RB1CC1: variants seen among roughly 807,000 people sequenced by gnomAD.
RB1CC1 encodes the protein RB1-inducible coiled-coil protein 1.
Under a neutral mutation model 177.5 loss-of-function variants are expected in RB1CC1, and 46 were observed. That is an observed-to-expected ratio of 0.26 (90% CI 0.20 to 0.33). The LOEUF (loss-of-function observed/expected upper bound fraction) is 0.33. Ranked by LOEUF, RB1CC1 falls within the 10% of genes least tolerant of loss-of-function variation. The pLI, the probability that RB1CC1 is intolerant of heterozygous loss-of-function variation, is 1.00. For synonymous variants in RB1CC1, 666 were observed against 613.6 expected (o/e 1.09, Z -1.26); for missense variants, 1,703 against 1,816.3 (o/e 0.94, Z 1.13).
At chr8:52,675,289 T>TA (rs1002504199) in intron 6 of RB1CC1, among the ~76,000 whole-genome samples, 7 of 151,600 alleles carry the variant, frequency 4.6e-5, no homozygotes, top group East Asian at 1.9e-4. Context: ...TACCCAAATT[T>TA]AAAAAAATCA....
At chr8:52,679,120 C>T (rs1051530196) in intron 5 of RB1CC1, among the ~76,000 whole-genome samples, 2 of 152,120 alleles carry the variant, frequency 1.3e-5, no homozygotes, top group Non-Finnish European at 2.9e-5. Context: ...TAACAAATCT[C>T]GGGAACCCAA....
intron 1 of RB1CC1, among the ~76,000 whole-genome samples, chr8:52,695,951 G>C (rs186880623): frequency 2.0e-5 from 3 of 152,298 alleles, no homozygotes; most frequent in Non-Finnish European, 4.4e-5. Context: ...TCTGGGCACC[G>C]CCAAACTTGC....
chr8:52,699,855 A>ATATATC (rs1482259490), intron 1 of RB1CC1, among the ~76,000 whole-genome samples: 10 of 137,706 alleles, frequency 7.3e-5, no homozygotes, highest in Non-Finnish European at 1.6e-4. Context: ...ATATATATAT[A>ATATATC]TATACACACA....
chr8:52,655,750 T>TAATA (rs1260486964), intron 15 of RB1CC1, among the ~76,000 whole-genome samples: 1 of 152,118 alleles, frequency 6.6e-6, no homozygotes, highest in East Asian at 1.9e-4. Context: ...AAGAGCTCTT[T>TAATA]AAAACATTTC....
intron 20 of RB1CC1, among the ~76,000 whole-genome samples, chr8:52,633,424 C>T (rs781636496): frequency 2.0e-4 from 30 of 152,090 alleles, no homozygotes; most frequent in Non-Finnish European, 4.0e-4. Flanking sequence ...AAGCATACTA[C>T]ATAAAACACG....
Position 52,660,065 on chromosome 8 carries a change from T to C in RB1CC1, c.1689+531A>G, listed in dbSNP as rs140041387. ...AAAAGCCCCCATATTGCTTTGATCA[T>C]GGAAACGTTTCTTCTCATGTAATAC... On this transcript the variant is annotated intron_variant, in intron 12 of 23. Transcript: ENST00000025008. Among the ~76,000 whole-genome samples, 7 of 152,362 alleles carry C rather than the reference T, an allele frequency of 4.6e-5. No individual in the cohort carries two copies. The East Asian group carries it at 1.4e-3, about 29-fold the overall frequency.
intron 15 of RB1CC1, among the ~76,000 whole-genome samples, chr8:52,651,061 C>G (rs1390821598): frequency 6.6e-6 from 1 of 152,082 alleles, no homozygotes. Flanking sequence ...AAAGCAATTA[C>G]AGAATCTTTA....
chr8:52,664,983 G>A (rs1303750626), intron 8 of RB1CC1, among the ~76,000 whole-genome samples: 1 of 151,976 alleles, frequency 6.6e-6, no homozygotes, highest in Non-Finnish European at 1.5e-5. Flanking sequence ...ATTAAGGGGA[G>A]CAAAGAAAAA....
At chr8:52,704,943 G>T (rs1453662157) in intron 1 of RB1CC1, among the ~76,000 whole-genome samples, 1 of 152,044 alleles carries the variant, frequency 6.6e-6, no homozygotes, top group East Asian at 1.9e-4. Flanking sequence ...TACTATACAA[G>T]TTAACACAAG....
At chr8:52,631,815 C>T (rs1268646206) in intron 20 of RB1CC1, among the ~76,000 whole-genome samples, 1 of 152,174 alleles carries the variant, frequency 6.6e-6, no homozygotes, top group East Asian at 1.9e-4. Context: ...CTTTTTCAAA[C>T]CTATACTGTT....
intron 1 of RB1CC1, among the ~76,000 whole-genome samples, chr8:52,700,310 G>C (rs1855932392): frequency 6.7e-6 from 1 of 149,982 alleles, no homozygotes; most frequent in Admixed American, 6.7e-5. Context: ...GATTGCTTGA[G>C]ATCAAGAGTT....
Position 52,685,524 on chromosome 8 carries a change from G to GGCACTGTGAA in RB1CC1, c.-51-5_-51-4insTTCACAGTGC. 1 of 1,088,490 alleles carries GGCACTGTGAA rather than the reference G, an allele frequency of 9.2e-7. No homozygotes were observed. Among genetic ancestry groups the GGCACTGTGAA allele is most frequent in the Admixed American group, 2.1e-5 (1 of 47,906 alleles). 67.4% of individuals were successfully genotyped at this position (1,088,490 alleles called of 1,614,324 possible). Reference sequence around the variant, plus strand: ...ACCTCACCCTCTGATACAGTTACTAGAAGAAACAAGAGAAGTGATCAATTT... The same window carrying GGCACTGTGAA: ...ACCTCACCCTCTGATACAGTTACTAGGCACTGTGAAAAGAAACAAGAGAAGTGATCAATTT... On this transcript the variant is annotated splice_region_variant and splice_polypyrimidine_tract_variant and intron_variant, in intron 2 of 23. Transcript: ENST00000025008.
At chr8:52,695,128 A>AT in intron 1 of RB1CC1, among the ~76,000 whole-genome samples, 1 of 152,194 alleles carries the variant, frequency 6.6e-6, no homozygotes. Flanking sequence ...AGAAGACAGT[A>AT]TTTTTCTCCT....
rs1186086931 is a variant in RB1CC1, at chr8:52,708,449, G to A, written c.-167+5626C>T. Reference sequence around the variant, plus strand: ...GGAGAATGGCGTGAACCCAGGAGGCGGAGCTTGCAGTAAGTTGAGATCACA... The same window carrying A: ...GGAGAATGGCGTGAACCCAGGAGGCAGAGCTTGCAGTAAGTTGAGATCACA... On this transcript the variant is annotated intron_variant, in intron 1 of 23. Transcript: ENST00000025008. Among the ~76,000 whole-genome samples the A allele has an allele frequency of 3.9e-5, 6 of 152,194 alleles. No individual in the cohort carries two copies. In the East Asian group the frequency reaches 7.7e-4, roughly 20 times the overall value.
At chr8:52,631,674 A>C (rs537275852) in intron 20 of RB1CC1, among the ~76,000 whole-genome samples, 1 of 152,334 alleles carries the variant, frequency 6.6e-6, no homozygotes, top group South Asian at 2.1e-4. Context: ...ACATTGGTCC[A>C]AACTACCTTT....
chr8:52,634,772 A>G (rs1247322732), intron 20 of RB1CC1, 149 bp downstream of exon 20: 4 of 618,902 alleles, frequency 6.5e-6, no homozygotes, highest in African/African-American at 5.8e-5. Flanking sequence ...CTGAAAATCA[A>G]TAGGATTCAA....
At chr8:52,687,832 A>G (rs1854405195) in intron 1 of RB1CC1, among the ~76,000 whole-genome samples, 1 of 152,236 alleles carries the variant, frequency 6.6e-6, no homozygotes, top group South Asian at 2.1e-4. Flanking sequence ...TGCTTCAAAC[A>G]ATCAAGTTTA....
intron 13 of RB1CC1, among the ~76,000 whole-genome samples, chr8:52,658,603 T>TA (rs1851308401): frequency 8.8e-6 from 1 of 113,518 alleles, no homozygotes; most frequent in Non-Finnish European, 1.9e-5. Flanking sequence ...AAAAAAAAAG[T>TA]AAAAAGTCAG....
chr8:52,623,955 A>C, intron 23 of RB1CC1, 96 bp from the exon 24 acceptor site: 1 of 804,970 alleles, frequency 1.2e-6, no homozygotes, highest in Non-Finnish European at 2.1e-6. Context: ...AAAAAGAAAC[A>C]AAAAAATAAA....
Sources: gnomAD v4.1 joint callset for allele counts (sites outside exome capture counted in the v4.1 genomes callset) on GRCh38, gnomAD v4.1.1 for gene constraint, MANE v1.5 for transcripts, NCBI Gene and HGNC (gene_info 2026-07-23, HGNC 2026-07-21) for gene names.